The following PTHLH variants were observed in gnomAD, a reference collection of about 807,000 sequenced individuals.
PTHLH encodes the protein parathyroid hormone-related protein.
A neutral mutation model predicts 18.6 loss-of-function variants in PTHLH; 5 were observed. The ratio of observed to expected loss-of-function variants is 0.27; its 90% confidence interval spans 0.14 to 0.56. The LOEUF is 0.56. Among genes scored for constraint, PTHLH ranks in the 20% least tolerant of loss-of-function variants. The probability of loss-of-function intolerance (pLI) is 0.92; values close to 1 mark genes in which losing one functional copy is unlikely to be tolerated. For synonymous variants in PTHLH, 90 were observed against 94.0 expected (o/e 0.96, Z 0.25); for missense variants, 207 against 223.9 (o/e 0.92, Z 0.48).
chr12:27,970,730 G>C (rs2062864847), intron 2 of PTHLH, among the ~76,000 whole-genome samples: 1 of 152,128 alleles, frequency 6.6e-6, no homozygotes, highest in Admixed American at 6.5e-5. Flanking sequence ...CGAGGAGGAG[G>C]CCAAGGAGCT....
intron 4 of PTHLH, among the ~76,000 whole-genome samples, chr12:27,966,063 G>A (rs1201485020): frequency 2.6e-5 from 4 of 152,132 alleles, no homozygotes; most frequent in African/African-American, 7.2e-5. Context: ...TTAATGGTTG[G>A]TCTATTCTAA....
At chr12:27,969,205 G>C in intron 4 of PTHLH, 189 bp downstream of exon 4, 1 of 603,306 alleles carries the variant, frequency 1.7e-6, no homozygotes, top group Non-Finnish European at 2.9e-6. Flanking sequence ...TCCCGTTGAA[G>C]ATCAACCAGT....
chr12:27,960,186 T>C (rs2062741995), intron 5 of PTHLH, among the ~76,000 whole-genome samples: 2 of 152,252 alleles, frequency 1.3e-5, no homozygotes. Flanking sequence ...TGTGTGTGCA[T>C]ATGACAGCAT....
In PTHLH at chr12:27,958,424, A is replaced by G; in HGVS notation, c.*135T>C. 5 of 780,268 alleles carry G rather than the reference A, an allele frequency of 6.4e-6. No homozygotes were observed. The highest frequency in any genetic ancestry group is 9.3e-6 in the Non-Finnish European group (5 of 536,824). 48.3% of individuals were successfully genotyped at this position (780,268 alleles called of 1,614,324 possible). On this transcript the variant is annotated 3_prime_UTR_variant, in exon 6 of 6. Transcript: ENST00000545234. The stretch of plus-strand genomic sequence containing the variant: ...TTCACAATGACCAATGTGCAGTTTC[A>G]TAGAGCAATGGGGGAGACAGTTTTA...
intron 5 of PTHLH, among the ~76,000 whole-genome samples, chr12:27,960,205 C>T (rs1430348637): frequency 6.6e-6 from 1 of 152,166 alleles, no homozygotes; most frequent in Non-Finnish European, 1.5e-5. Context: ...ATTTTACAGT[C>T]CTAGCTCTTT....
chr12:27,962,112 G>A lies in PTHLH; in HGVS notation c.524+1236C>T, dbSNP rs2062767025. The A allele has an allele frequency of 2.3e-5, 12 of 523,068 alleles. No individual in the cohort carries two copies. The South Asian group carries it at 3.6e-4, about 16-fold the overall frequency. The allele number at this position is 523,068 out of a possible 1,614,324, so 32.4% of individuals were successfully genotyped here. A position where few individuals can be genotyped will look rare whatever the true frequency, so the allele number is the denominator to read the frequency against. On this transcript the variant is annotated intron_variant, in intron 5 of 5. Transcript: ENST00000545234. ...ACAGGGAGATAAATCCAGCTTTGGG[G>A]CCACCTATTTCAATTCCAAGGACTA...
intron 5 of PTHLH, among the ~76,000 whole-genome samples, chr12:27,961,286 CGTATATATATATACGT>C (rs1446703825): frequency 6.4e-5 from 3 of 46,958 alleles, no homozygotes; most frequent in African/African-American, 2.4e-4. Context: ...CATATATATA[CGTATATATATATACGT>C]ATATATATAT....
intron 5 of PTHLH, among the ~76,000 whole-genome samples, chr12:27,959,712 A>G (rs188673104): frequency 6.6e-5 from 10 of 152,332 alleles, no homozygotes; most frequent in Admixed American, 5.9e-4. Context: ...TGAACATTTA[A>G]AAGTGTTTTA....
At chr12:27,958,709 C>T in intron 5 of PTHLH, 141 bp from the exon 6 acceptor site, 1 of 760,724 alleles carries the variant, frequency 1.3e-6, no homozygotes. Context: ...GTAAATATCT[C>T]CTGCAAGAGG....
Position 27,970,041 on chromosome 12 carries a change from G to T in PTHLH, c.-39C>A, listed in dbSNP as rs775312567. On this transcript the variant is annotated 5_prime_UTR_variant, in exon 3 of 6. Transcript: ENST00000545234. ...TCTGTCTACCTCCTCTGGTGGGCTG[G>T]TTGCTTCCGGAAAGTTGATTCCACA... 1.9e-6 allele frequency: 1 copy of T among 519,032 alleles called. No individual in the cohort carries two copies. Among genetic ancestry groups the T allele is most frequent in the Non-Finnish European group, 3.8e-6 (1 of 259,878 alleles). 32.2% of individuals were successfully genotyped at this position (519,032 alleles called of 1,614,324 possible).
chr12:27,970,765 G>C (rs1174942066), intron 2 of PTHLH, among the ~76,000 whole-genome samples: 1 of 152,132 alleles, frequency 6.6e-6, no homozygotes, highest in African/African-American at 2.4e-5. Context: ...GGGCAACCGG[G>C]AGCCTGCGCG....
At position 27,963,464 on chromosome 12, in the gene PTHLH, C is replaced by T. The variant is rs753350587; in HGVS notation, c.408G>A (p.Gln136=). The part of the protein sequence containing the change: ...KKGKPGKRKE[Q]EKKKRRTRSA... Reference sequence around the variant, plus strand: ...AGCGAGTTCGCCGTTTTTTCTTTTCCTGCTCCTTGCGTTTCCCGGGCTTGC... The same window carrying T: ...AGCGAGTTCGCCGTTTTTTCTTTTCTTGCTCCTTGCGTTTCCCGGGCTTGC... Residue 136 remains glutamine (Q), a synonymous_variant, in exon 5 of 6, where the codon CAG becomes CAA. Coordinates refer to ENST00000545234, the MANE Select transcript of PTHLH (RefSeq NM_198965.2). The T allele has an allele frequency of 2.9e-5, 47 of 1,614,048 alleles. No individual in the cohort carries two copies. Among genetic ancestry groups the T allele is most frequent in the Non-Finnish European group, 3.8e-5 (45 of 1,180,038 alleles).
chr12:27,972,023 TAAAAAAAAA>T lies in PTHLH; in HGVS notation c.-358-13_-358-5del, dbSNP rs71450770. ...CGTTAGATCTGAAGGGGGAAATCTG[TAAAAAAAAA>T]AAAAAAAAAAAAAAAAAAGTCAATC... On this transcript the variant is annotated splice_region_variant and splice_polypyrimidine_tract_variant and intron_variant, in intron 1 of 5. Coordinates refer to ENST00000545234, the MANE Select transcript of PTHLH (RefSeq NM_198965.2). 1.8e-5 allele frequency: 1 copy of T among 55,350 alleles called. No individual in the cohort carries two copies. Among genetic ancestry groups the T allele is most frequent in the Non-Finnish European group, 3.6e-5 (1 of 28,018 alleles). The allele number at this position is 55,350 out of a possible 1,614,324, so 3.4% of individuals were successfully genotyped here.
At chr12:27,963,834 A>C in intron 4 of PTHLH, 64 bp from the exon 5 acceptor site, 1 of 1,507,492 alleles carries the variant, frequency 6.6e-7, no homozygotes, top group South Asian at 1.1e-5. Context: ...AGAGACAACA[A>C]AGACATGAGT....
At chr12:27,962,527 C>T (rs967019024) in intron 5 of PTHLH, 3 of 984,756 alleles carry the variant, frequency 3.0e-6, no homozygotes, top group Non-Finnish European at 3.6e-6. Flanking sequence ...GTTATTTGAT[C>T]CCAAAGTCTA....
intron 5 of PTHLH, chr12:27,962,085 A>T (rs2062766874): frequency 2.0e-6 from 1 of 503,418 alleles, no homozygotes; most frequent in African/African-American, 2.0e-5. Flanking sequence ...ACGTGTCAGA[A>T]AACAGGGAGA....
intron 5 of PTHLH, among the ~76,000 whole-genome samples, chr12:27,961,399 T>C (rs2062759960): frequency 6.9e-6 from 1 of 144,534 alleles, no homozygotes; most frequent in Admixed American, 7.1e-5. Flanking sequence ...AGATGATAGG[T>C]AGAGGATACA....
chr12:27,968,652 GTTATCA>G (rs1173391004), intron 4 of PTHLH, among the ~76,000 whole-genome samples: 1 of 152,142 alleles, frequency 6.6e-6, no homozygotes, highest in Non-Finnish European at 1.5e-5. Context: ...CAAAGTTGAA[GTTATCA>G]TTAAAAGAAT....
chr12:27,963,242 C>T, intron 5 of PTHLH, 106 bp downstream of exon 5: 1 of 1,580,358 alleles, frequency 6.3e-7, no homozygotes, highest in East Asian at 2.3e-5. Context: ...GATAGAGATA[C>T]ATAAAGGGAG....
Sources: gnomAD v4.1 joint callset for allele counts (sites outside exome capture counted in the v4.1 genomes callset) on GRCh38, gnomAD v4.1.1 for gene constraint, MANE v1.5 for transcripts, NCBI Gene and HGNC (gene_info 2026-07-23, HGNC 2026-07-21) for gene names.